TRPM3: variants seen among roughly 807,000 people sequenced by gnomAD.
The protein encoded by TRPM3 is transient receptor potential cation channel subfamily M member 3.
TRPM3 carries 77 observed loss-of-function variants against 181.2 expected under a neutral mutation model. That is an observed-to-expected ratio of 0.42 (90% CI 0.35 to 0.51). The LOEUF is 0.51. Ranked by LOEUF, TRPM3 falls within the 20% of genes least tolerant of loss-of-function variation. The pLI, the probability that TRPM3 is intolerant of heterozygous loss-of-function variation, is 0.01. For missense variants in TRPM3, 1,759 were observed against 2,196.7 expected, an observed-to-expected ratio of 0.80 and a Z score of 3.98; for synonymous variants, 745 against 796.4, an observed-to-expected ratio of 0.94 and a Z score of 1.09.
At chr9:70,789,865 C>T (rs2084929441) in intron 6 of TRPM3, among the ~76,000 whole-genome samples, 1 of 152,210 alleles carries the variant, frequency 6.6e-6, no homozygotes, top group Non-Finnish European at 1.5e-5. Flanking sequence ...GTTTCAACTG[C>T]TAGGCAATTC....
intron 1 of TRPM3, among the ~76,000 whole-genome samples, chr9:71,418,813 C>CTATATATATATATATATATATACTATATA: frequency 8.8e-6 from 1 of 113,150 alleles, no homozygotes; most frequent in South Asian, 3.1e-4. Flanking sequence ...TATATATATA[C>CTATATATATATATATATATATACTATATA]TATATATATA....
At chr9:70,559,651 A>T (rs2048572528) in intron 22 of TRPM3, among the ~76,000 whole-genome samples, 1 of 152,182 alleles carries the variant, frequency 6.6e-6, no homozygotes, top group South Asian at 2.1e-4. Flanking sequence ...CTGAAAGCAC[A>T]CCAACCAACT....
intron 1 of TRPM3, among the ~76,000 whole-genome samples, chr9:71,232,244 C>G (rs2081095889): frequency 6.6e-6 from 1 of 152,148 alleles, no homozygotes; most frequent in South Asian, 2.1e-4. Context: ...GTAACTACCT[C>G]AAGTTAGTCT....
intron 1 of TRPM3, among the ~76,000 whole-genome samples, chr9:71,147,322 T>C (rs540447983): frequency 6.6e-6 from 1 of 151,968 alleles, no homozygotes; most frequent in African/African-American, 2.4e-5. Context: ...TAAACCCAGA[T>C]AGAAAAATTT....
At chr9:71,347,030 G>T (rs1489668147) in intron 1 of TRPM3, among the ~76,000 whole-genome samples, 1 of 152,226 alleles carries the variant, frequency 6.6e-6, no homozygotes, top group African/African-American at 2.4e-5. Context: ...CCCAAAAGGG[G>T]AGGGAGCTTC....
intron 1 of TRPM3, among the ~76,000 whole-genome samples, chr9:71,192,605 T>C (rs184228967): frequency 8.4e-4 from 127 of 151,952 alleles, no homozygotes; most frequent in African/African-American, 2.9e-3. Context: ...TTTAATTGAG[T>C]TATTTTATTT....
At chr9:71,084,740 C>T (rs933458117) in intron 1 of TRPM3, among the ~76,000 whole-genome samples, 1 of 151,876 alleles carries the variant, frequency 6.6e-6, no homozygotes, top group Non-Finnish European at 1.5e-5. Context: ...ATCAAACTGT[C>T]GATGTCATTT....
At chr9:71,130,303 A>C (rs2074291362) in intron 1 of TRPM3, among the ~76,000 whole-genome samples, 1 of 152,224 alleles carries the variant, frequency 6.6e-6, no homozygotes, top group Admixed American at 6.5e-5. Context: ...CAAGTTTGGT[A>C]TCTCAAAAAA....
chr9:71,121,672 G>T (rs372747326), upstream of TRPM3: 77 of 1,105,112 alleles, frequency 7.0e-5, 1 homozygote, highest in Middle Eastern at 7.7e-4. Flanking sequence ...CAGGCGTTGG[G>T]GGGGAACCGG....
intron 1 of TRPM3, among the ~76,000 whole-genome samples, chr9:70,944,891 G>GA (rs570560251): frequency 0.024 from 3,347 of 138,098 alleles, 57 homozygotes; most frequent in East Asian, 0.067. Context: ...GCTCACAGGT[G>GA]AAAAAAAAAA....
intron 1 of TRPM3, among the ~76,000 whole-genome samples, chr9:71,386,711 T>C (rs989012755): frequency 2.6e-5 from 4 of 152,184 alleles, no homozygotes; most frequent in Non-Finnish European, 5.9e-5. Flanking sequence ...CCAGTTATTA[T>C]ATAGTTGGCC....
At chr9:71,351,419 A>G (rs1294314531) in intron 1 of TRPM3, among the ~76,000 whole-genome samples, 1 of 152,238 alleles carries the variant, frequency 6.6e-6, no homozygotes, top group Non-Finnish European at 1.5e-5. Context: ...CTAGATGATA[A>G]TTGAAAAGAA....
intron 8 of TRPM3, among the ~76,000 whole-genome samples, chr9:70,743,900 A>G (rs1255986615): frequency 3.3e-5 from 5 of 152,088 alleles, no homozygotes; most frequent in Admixed American, 6.6e-5. Context: ...TCAGTAAAAG[A>G]GAGTAGTTAT....
At chr9:71,127,090 T>G (rs2074083836) in intron 1 of TRPM3, among the ~76,000 whole-genome samples, 1 of 152,070 alleles carries the variant, frequency 6.6e-6, no homozygotes, top group African/African-American at 2.4e-5. Flanking sequence ...AAACTCTCTT[T>G]AGGATTATAT....
At chr9:71,090,383 C>T (rs2133893789) in intron 1 of TRPM3, among the ~76,000 whole-genome samples, 1 of 152,290 alleles carries the variant, frequency 6.6e-6, no homozygotes, top group African/African-American at 2.4e-5. Context: ...TGCAAGAAAA[C>T]ATAATTCCGT....
intron 1 of TRPM3, among the ~76,000 whole-genome samples, chr9:70,898,524 C>T (rs1177724466): frequency 2.0e-5 from 3 of 150,156 alleles, no homozygotes; most frequent in African/African-American, 7.3e-5. Flanking sequence ...CCAAGGCGGG[C>T]GGATCACGAG....
chr9:70,869,492 G>A (rs1436795245), intron 1 of TRPM3, among the ~76,000 whole-genome samples: 1 of 151,870 alleles, frequency 6.6e-6, no homozygotes, highest in Non-Finnish European at 1.5e-5. Flanking sequence ...GCACACAAGC[G>A]GCATTGTTCC....
chr9:71,145,178 C>A (rs2075336469), intron 1 of TRPM3, among the ~76,000 whole-genome samples: 1 of 152,110 alleles, frequency 6.6e-6, no homozygotes, highest in African/African-American at 2.4e-5. Context: ...AGTCAACGGT[C>A]ACATGCCCTT....
chr9:71,171,601 C>T (rs1406775261), intron 1 of TRPM3, among the ~76,000 whole-genome samples: 1 of 152,052 alleles, frequency 6.6e-6, no homozygotes, highest in African/African-American at 2.4e-5. Flanking sequence ...AGTCACAATT[C>T]CTGTCTCTAA....
Sources: allele counts gnomAD v4.1 joint callset (sites outside exome capture counted in the v4.1 genomes callset), GRCh38; gene constraint gnomAD v4.1.1; transcripts MANE v1.5; gene names NCBI Gene and HGNC (gene_info 2026-07-23, HGNC 2026-07-21).